Variants in KCNMA1 observed in about 807,000 individuals in gnomAD.
KCNMA1 encodes the protein potassium calcium-activated channel subfamily M alpha 1, also known as Calcium-activated potassium channel subunit alpha-1.
A neutral mutation model predicts 140.0 loss-of-function variants in KCNMA1; 29 were observed. That is an observed-to-expected ratio of 0.21 (90% CI 0.15 to 0.28). The LOEUF is 0.28. Among genes scored for constraint, KCNMA1 ranks in the 10% least tolerant of loss-of-function variants. The pLI is 1.00. For missense variants in KCNMA1, 880 were observed against 1,602.2 expected (o/e 0.55, Z 7.70); for synonymous variants, 612 against 611.9 (o/e 1.00, Z 0.00).
chr10:77,372,415 AG>A (rs1483494413), intron 2 of KCNMA1, among the ~76,000 whole-genome samples: 1 of 152,330 alleles, frequency 6.6e-6, no homozygotes, highest in Middle Eastern at 3.4e-3. Context: ...GCAGTTCACC[AG>A]GCTGACCATG....
intron 2 of KCNMA1, among the ~76,000 whole-genome samples, chr10:77,309,001 C>T (rs961008635): frequency 1.3e-5 from 2 of 152,212 alleles, no homozygotes; most frequent in Non-Finnish European, 2.9e-5. Context: ...TTCACTGTTC[C>T]CTACTGCTCT....
downstream of KCNMA1, among the ~76,000 whole-genome samples, chr10:76,881,049 AG>A (rs2034456696): frequency 6.8e-6 from 1 of 148,006 alleles, no homozygotes; most frequent in Non-Finnish European, 1.5e-5. Context: ...TGTGGCTGGG[AG>A]GGGGCTAGTG....
intron 1 of KCNMA1, among the ~76,000 whole-genome samples, chr10:77,617,575 G>A (rs75518474): frequency 0.013 from 1,948 of 152,208 alleles, 41 homozygotes; most frequent in African/African-American, 0.042. Context: ...ATAGGAAGAG[G>A]GTAAGAGTTA....
intron 29 of KCNMA1, among the ~76,000 whole-genome samples, chr10:76,879,097 C>A (rs576015432): frequency 6.6e-6 from 1 of 151,704 alleles, no homozygotes; most frequent in Non-Finnish European, 1.5e-5. Context: ...TGATAGGGGG[C>A]GTTGGGGGTG....
intron 14 of KCNMA1, among the ~76,000 whole-genome samples, chr10:77,047,399 T>A (rs1425342208): frequency 6.6e-6 from 1 of 152,162 alleles, no homozygotes; most frequent in Non-Finnish European, 1.5e-5. Context: ...ACACCACATG[T>A]AAAAGTACCA....
intron 9 of KCNMA1, among the ~76,000 whole-genome samples, chr10:77,106,538 T>A (rs1472233336): frequency 4.0e-5 from 6 of 148,372 alleles, no homozygotes; most frequent in African/African-American, 1.5e-4. Flanking sequence ...ATTATTTCAT[T>A]AAAAAAAAAA....
At chr10:77,420,461 A>C (rs2096843270) in intron 1 of KCNMA1, among the ~76,000 whole-genome samples, 1 of 152,216 alleles carries the variant, frequency 6.6e-6, no homozygotes, top group Admixed American at 6.5e-5. Context: ...TAACGTCTCC[A>C]GGGCTGTTTG....
chr10:77,052,126 T>A (rs1300864452), intron 14 of KCNMA1, among the ~76,000 whole-genome samples: 2 of 152,186 alleles, frequency 1.3e-5, no homozygotes, highest in Non-Finnish European at 2.9e-5. Context: ...CATGGCTTCC[T>A]ATTGCTTAGC....
chr10:77,081,412 T>C (rs1399919415), intron 12 of KCNMA1, among the ~76,000 whole-genome samples: 1 of 152,184 alleles, frequency 6.6e-6, no homozygotes, highest in African/African-American at 2.4e-5. Flanking sequence ...CATTTCCTTC[T>C]GTGACAAGGA....
chr10:77,415,249 G>T (rs843836), intron 1 of KCNMA1, among the ~76,000 whole-genome samples: 1 of 152,202 alleles, frequency 6.6e-6, no homozygotes, highest in African/African-American at 2.4e-5. Flanking sequence ...CCAATGTGCC[G>T]TATTTGTAAA....
chr10:77,301,406 A>G (rs769176429), intron 2 of KCNMA1, among the ~76,000 whole-genome samples: 11 of 152,360 alleles, frequency 7.2e-5, no homozygotes, highest in Non-Finnish European at 1.5e-4. Context: ...GCTTGATTCC[A>G]TAAGAAATAG....
rs1298803265 is a variant in KCNMA1 at position 77,001,565 on chromosome 10, T to C, written c.2108A>G (p.Tyr703Cys). The change falls in exon 19 of 28, where the codon TAC (tyrosine) becomes TGC (cysteine). Residue 703 changes from tyrosine (Y) to cysteine (C), a missense_variant. Tyr to Cys is a radical substitution (Grantham distance 194). Around this residue, in one of 13 missense-constraint regions of KCNMA1, gnomAD observed 196 missense variants for 233.0 expected, o/e 0.84. Transcript: ENST00000286628. ...CGCKRPKMSI[Y>C]KRMRRACCFD... The stretch of plus-strand genomic sequence containing the variant: ...ACAACATGCCCGTCTCATTCTCTTG[T>C]AGATGGACATCTTGGCTATAACCGT... 3.2e-6 allele frequency: 5 copies of C among 1,551,598 alleles called. No homozygotes were observed. Among genetic ancestry groups the C allele is most frequent in the Middle Eastern group, 1.7e-4 (1 of 6,014 alleles).
intron 1 of KCNMA1, among the ~76,000 whole-genome samples, chr10:77,532,851 G>C (rs1246666803): frequency 6.6e-6 from 1 of 152,090 alleles, no homozygotes; most frequent in African/African-American, 2.4e-5. Flanking sequence ...CTTCCTATTG[G>C]CTCTATGAGA....
At chr10:77,574,102 C>G (rs534470276) in intron 1 of KCNMA1, among the ~76,000 whole-genome samples, 48 of 152,248 alleles carry the variant, frequency 3.2e-4, no homozygotes, top group Admixed American at 5.9e-4. Context: ...TCCAAAAGTG[C>G]TGGGATTACA....
chr10:77,363,087 G>A (rs1373678378), intron 2 of KCNMA1, among the ~76,000 whole-genome samples: 1 of 151,432 alleles, frequency 6.6e-6, no homozygotes, highest in African/African-American at 2.4e-5. Flanking sequence ...TTACAATATT[G>A]AGAGTAGTTT....
chr10:76,884,720 G>C, downstream of KCNMA1: 1 of 434,068 alleles, frequency 2.3e-6, no homozygotes, highest in South Asian at 3.8e-5. Context: ...CAGCAGCACA[G>C]CCTCATTGCG....
chr10:76,921,105 C>T (rs1373289298), intron 23 of KCNMA1, among the ~76,000 whole-genome samples: 2 of 152,160 alleles, frequency 1.3e-5, no homozygotes, highest in Non-Finnish European at 2.9e-5. Flanking sequence ...GCTTCTCCCA[C>T]CCCGATAGAC....
rs1057345406 is a variant in KCNMA1 at position 77,108,883 on chromosome 10, G to A, written c.1132-311C>T. Among the ~76,000 whole-genome samples, 5 of 152,088 alleles carry A rather than the reference G, an allele frequency of 3.3e-5. No individual in the cohort carries two copies. The highest frequency in any genetic ancestry group is 7.3e-5 in the Non-Finnish European group (5 of 68,032). On this transcript the variant is annotated intron_variant, in intron 8 of 27. Transcript: ENST00000286628. This position sits in a 1 kb window ranked among gnomAD's most constrained non-coding sequence, Gnocchi z 4.6. ...CTTCTTGCTGAAGAAAAATAGGCAAGAGGGGGACATGCTAGTGAAACTAAA... is the reference window on the plus strand; with the variant it reads ...CTTCTTGCTGAAGAAAAATAGGCAAAAGGGGGACATGCTAGTGAAACTAAA...
rs1017433229 is a variant in KCNMA1, at chr10:77,058,042, G to A, written c.1749+15055C>T. Among the ~76,000 whole-genome samples, 9 of 150,916 alleles carry A rather than the reference G, an allele frequency of 6.0e-5. No individual in the cohort carries two copies. In the East Asian group the frequency reaches 1.4e-3, roughly 23 times the overall value. ...AAGATCACTTAAGTTTTAAAGATAG[G>A]TTTGGTTCAAACAAAAAAGAGGAGA... On this transcript the variant is annotated intron_variant, in intron 14 of 27. Transcript: ENST00000286628.
Sources: allele counts gnomAD v4.1 joint callset (sites outside exome capture counted in the v4.1 genomes callset), GRCh38; gene constraint gnomAD v4.1.1; regional missense constraint gnomAD v4.1.1; non-coding constraint Gnocchi (gnomAD v3.1); transcripts MANE v1.5; gene names NCBI Gene and HGNC (gene_info 2026-07-23, HGNC 2026-07-21).